FABP6: variants seen among roughly 807,000 people sequenced by gnomAD.
FABP6 encodes the protein fatty acid binding protein 6, also known as gastrotropin.
Under a neutral mutation model 14.9 loss-of-function variants are expected in FABP6, and 13 were observed. That is an observed-to-expected ratio of 0.87 (90% CI 0.57 to 1.39). The LOEUF (loss-of-function observed/expected upper bound fraction) is 1.39, where lower values mean the gene tolerates loss of function less well. Among genes scored for constraint, FABP6 ranks in the 40% most tolerant of loss-of-function variants. The probability of loss-of-function intolerance (pLI) is 0.00; values close to 1 mark genes in which losing one functional copy is unlikely to be tolerated. For missense variants in FABP6, 161 were observed against 167.2 expected (o/e 0.96, Z 0.20); for synonymous variants, 75 against 63.6 (o/e 1.18, Z -0.85).
chr5:160,214,420 C>T (rs936246320), intron 3 of FABP6, among the ~76,000 whole-genome samples: 3 of 151,992 alleles, frequency 2.0e-5, no homozygotes, highest in Non-Finnish European at 4.4e-5. Context: ...TCACCTCAGC[C>T]TCCCAAAGTG....
intron 3 of FABP6, among the ~76,000 whole-genome samples, chr5:160,214,080 CCTGCCTTTCTCTTTCTTT>C (rs1246157373): frequency 6.6e-6 from 1 of 150,654 alleles, no homozygotes; most frequent in Non-Finnish European, 1.5e-5. Flanking sequence ...GTAGGTTTTG[CCTGCCTTTCTCTTTCTTT>C]CTTTCTTTCT....
intron 3 of FABP6, among the ~76,000 whole-genome samples, chr5:160,216,270 A>ATTT (rs59582403): frequency 2.1e-5 from 3 of 144,414 alleles, no homozygotes; most frequent in South Asian, 2.2e-4. Context: ...TCTCATTGTA[A>ATTT]TTTTTTTTTT....
Position 160,229,531 on chromosome 5 carries a change from CTCT to C in FABP6, c.-26_-24del. The stretch of plus-strand genomic sequence containing the variant: ...ACCACCCATTCTCCTCATCCCTCTG[CTCT>C]CTGGCCTCCAGCCTCCCAGCAGCAT... On this transcript the variant is annotated 5_prime_UTR_variant, in exon 1 of 4. Coordinates refer to ENST00000402432, the MANE Select transcript of FABP6 (RefSeq NM_001445.3). 6.2e-7 allele frequency: 1 copy of C among 1,613,862 alleles called. No homozygotes were observed. Among genetic ancestry groups the C allele is most frequent in the South Asian group, 1.1e-5 (1 of 91,056 alleles).
At chr5:160,192,297 T>C (rs77221510) in intron 1 of FABP6, among the ~76,000 whole-genome samples, 140 of 151,198 alleles carry the variant, frequency 9.3e-4, no homozygotes, top group African/African-American at 3.3e-3. Context: ...AAGTGGCTGA[T>C]ACTACAGGCT....
intron 3 of FABP6, among the ~76,000 whole-genome samples, chr5:160,224,229 C>G (rs955968302): frequency 6.6e-6 from 1 of 151,744 alleles, no homozygotes; most frequent in Non-Finnish European, 1.5e-5. Flanking sequence ...GGGCGAGACT[C>G]CATCTCAAAA....
At chr5:160,209,213 C>T (rs946238366) in intron 2 of FABP6, among the ~76,000 whole-genome samples, 1 of 152,078 alleles carries the variant, frequency 6.6e-6, no homozygotes, top group Non-Finnish European at 1.5e-5. Flanking sequence ...CAGAGCAAGA[C>T]CCTTTCTCAG....
At chr5:160,214,084 CCTTTCT>C (rs1222355253) in intron 3 of FABP6, among the ~76,000 whole-genome samples, 37 of 149,996 alleles carry the variant, frequency 2.5e-4, no homozygotes, top group Admixed American at 7.4e-4. Flanking sequence ...GTTTTGCCTG[CCTTTCT>C]CTTTCTTTCT....
intron 1 of FABP6, among the ~76,000 whole-genome samples, chr5:160,190,396 C>A (rs1237652482): frequency 6.6e-6 from 1 of 152,094 alleles, no homozygotes; most frequent in Non-Finnish European, 1.5e-5. Context: ...CCACGTCCAG[C>A]TAAGTTTGTA....
intron 2 of FABP6, among the ~76,000 whole-genome samples, chr5:160,208,419 C>T (rs1759814404): frequency 1.3e-5 from 2 of 151,970 alleles, no homozygotes; most frequent in Admixed American, 6.6e-5. Flanking sequence ...GCCTGGGTGA[C>T]AGAACAAGAT....
chr5:160,217,117 C>T (rs535466705), intron 3 of FABP6, among the ~76,000 whole-genome samples: 2 of 152,224 alleles, frequency 1.3e-5, no homozygotes, highest in South Asian at 2.1e-4. Flanking sequence ...CAGGACTTGG[C>T]GCATTGCAGG....
intron 1 of FABP6, among the ~76,000 whole-genome samples, chr5:160,191,535 C>T (rs1206867168): frequency 2.0e-5 from 3 of 152,108 alleles, no homozygotes; most frequent in Admixed American, 1.3e-4. Flanking sequence ...CATCTCTCTA[C>T]TGTGTTCCCC....
At chr5:160,194,186 C>G (rs1018700717) in intron 1 of FABP6, among the ~76,000 whole-genome samples, 3 of 152,224 alleles carry the variant, frequency 2.0e-5, no homozygotes, top group Non-Finnish European at 4.4e-5. Context: ...GCCGGCTGCT[C>G]CCAGTGCGGG....
chr5:160,224,565 A>G (rs1561752791), upstream of FABP6, among the ~76,000 whole-genome samples: 1 of 152,194 alleles, frequency 6.6e-6, no homozygotes, highest in Non-Finnish European at 1.5e-5. Context: ...ATAGACCAAA[A>G]GCTGGGTCTC....
At chr5:160,217,147 C>G (rs866075742) in intron 3 of FABP6, among the ~76,000 whole-genome samples, 9 of 152,132 alleles carry the variant, frequency 5.9e-5, no homozygotes, top group East Asian at 1.9e-4. Flanking sequence ...GATCTTGGCT[C>G]TCAGTATTTT....
intron 2 of FABP6, among the ~76,000 whole-genome samples, chr5:160,233,710 A>C (rs1368055994): frequency 6.6e-6 from 1 of 151,892 alleles, no homozygotes; most frequent in African/African-American, 2.4e-5. Context: ...CTGTCTCTAC[A>C]AAAAATACAA....
chr5:160,220,791 C>A (rs1436095213), intron 3 of FABP6, among the ~76,000 whole-genome samples: 1 of 151,712 alleles, frequency 6.6e-6, no homozygotes, highest in Non-Finnish European at 1.5e-5. Flanking sequence ...GTGTCTCCTA[C>A]AAGATTTGAG....
chr5:160,218,041 C>T (rs1240200431), intron 3 of FABP6, among the ~76,000 whole-genome samples: 4 of 152,052 alleles, frequency 2.6e-5, no homozygotes, highest in Non-Finnish European at 5.9e-5. Flanking sequence ...TGGGCTCAAA[C>T]GATCCTTCTT....
rs1004758423 is a variant in FABP6, at chr5:160,210,909, G to A, written c.52-2827G>A. On this transcript the variant is annotated intron_variant, in intron 2 of 6. Coordinates refer to the FABP6 transcript ENST00000393980. ...TGCGGCTGCCACAGGAATTAATCACGGTTTGCCAGTGGCAGGAGAGGGGGC... is the reference window on the plus strand; with the variant it reads ...TGCGGCTGCCACAGGAATTAATCACAGTTTGCCAGTGGCAGGAGAGGGGGC... Among the ~76,000 whole-genome samples the A allele has an allele frequency of 2.0e-4, 31 of 152,248 alleles. 1 individual carries two copies. The highest frequency in any genetic ancestry group is 1.5e-3 in the South Asian group (7 of 4,818).
intron 1 of FABP6, among the ~76,000 whole-genome samples, chr5:160,192,380 T>C (rs1241379443): frequency 2.0e-5 from 3 of 152,146 alleles, no homozygotes; most frequent in African/African-American, 7.2e-5. Flanking sequence ...GTCATCCCTA[T>C]CTGACATTTT....
Sources: allele counts gnomAD v4.1 joint callset (sites outside exome capture counted in the v4.1 genomes callset), GRCh38; gene constraint gnomAD v4.1.1; transcripts MANE v1.5; gene names NCBI Gene and HGNC (gene_info 2026-07-23, HGNC 2026-07-21).